DDB1: variants seen among roughly 807,000 people sequenced by gnomAD.
The protein encoded by DDB1 is damage specific DNA binding protein 1.
Under a neutral mutation model 133.1 loss-of-function variants are expected in DDB1, and 18 were observed. The ratio of observed to expected loss-of-function variants is 0.14; its 90% CI spans 0.09 to 0.20. DDB1 has a LOEUF of 0.20. Ranked by LOEUF, DDB1 falls within the 10% of genes least tolerant of loss-of-function variation. The pLI, the probability that DDB1 is intolerant of heterozygous loss-of-function variation, is 1.00. For missense variants in DDB1, 828 were observed against 1,459.2 expected, an observed-to-expected ratio of 0.57 and a Z score of 7.05; for synonymous variants, 580 against 550.5, an observed-to-expected ratio of 1.05 and a Z score of -0.75.
In DDB1 at chr11:61,314,314, T is replaced by C; in HGVS notation, c.1583A>G (p.Gln528Arg). ...GACAGAAAAACACACACACCTGATC[T>C]GCCGGAGCTCCTGAGGATGGATCTG... ...YLQIHPQELRQISHTEMEHEV... is the reference protein window; with the variant it reads ...YLQIHPQELRRISHTEMEHEV... The change falls in exon 13 of 27, where the codon CAG (glutamine) becomes CGG (arginine). Residue 528 changes from glutamine (Q) to arginine (R), a missense_variant. Gln to Arg is a conservative substitution (Grantham distance 43). Coordinates refer to ENST00000301764, the MANE Select transcript of DDB1 (RefSeq NM_001923.5). The C allele has an allele frequency of 6.2e-7, 1 of 1,610,508 alleles. No homozygotes were observed. The highest frequency in any genetic ancestry group is 1.1e-5 in the South Asian group (1 of 90,552).
chr11:61,331,716 T>A (rs1032326824), intron 1 of DDB1, 25 bp from the exon 2 acceptor site: 1 of 1,612,800 alleles, frequency 6.2e-7, no homozygotes, highest in African/African-American at 1.3e-5. Context: ...CCTCTAACTT[T>A]TGAACTCAGG....
At chr11:61,303,730 T>TAAAA in intron 22 of DDB1, 135 bp downstream of exon 22, 1 of 466,588 alleles carries the variant, frequency 2.1e-6, no homozygotes, top group Non-Finnish European at 3.6e-6. Flanking sequence ...AAAAACTTAA[T>TAAAA]CAATGTAGAA....
intron 9 of DDB1, 48 bp downstream of exon 9, chr11:61,322,248 A>G: frequency 7.0e-7 from 1 of 1,433,902 alleles, no homozygotes; most frequent in Non-Finnish European, 9.8e-7. Flanking sequence ...AGGAGGACAC[A>G]GTTTGAGTGG....
chr11:61,304,181 C>T (rs1196624010), intron 21 of DDB1, 146 bp from the exon 22 acceptor site: 2 of 706,140 alleles, frequency 2.8e-6, no homozygotes, highest in East Asian at 2.7e-5. Context: ...CTGGGGTGAA[C>T]ATTTATTATT....
intron 5 of DDB1, 41 bp downstream of exon 5, chr11:61,326,738 T>G (rs1284911026): frequency 7.1e-6 from 11 of 1,542,956 alleles, no homozygotes; most frequent in Non-Finnish European, 9.9e-6. Context: ...GGAACTAGCC[T>G]AGACCCAGGT....
intron 21 of DDB1, among the ~76,000 whole-genome samples, chr11:61,306,028 G>A (rs1361447454): frequency 6.6e-6 from 1 of 152,054 alleles, no homozygotes; most frequent in Non-Finnish European, 1.5e-5. Flanking sequence ...GCTTCTTTTT[G>A]CATTTGTTAA....
chr11:61,312,569 G>T (rs1356318872), intron 16 of DDB1, among the ~76,000 whole-genome samples: 1 of 149,480 alleles, frequency 6.7e-6, no homozygotes, highest in African/African-American at 2.5e-5. Context: ...GAGTGCAGCG[G>T]TGAAATCTAA....
chr11:61,303,903 G>A lies in DDB1; in HGVS notation c.2794C>T (p.Leu932=), dbSNP rs1299095215. The A allele has an allele frequency of 6.2e-6, 10 of 1,613,850 alleles. No homozygotes were observed. The highest frequency in any genetic ancestry group is 7.6e-6 in the Non-Finnish European group (9 of 1,180,018). Residue 932 remains leucine (L), a synonymous_variant, in exon 22 of 27, where the codon CTG becomes TTG. Transcript: ENST00000301764. ...CCTTCCATGGGCTTGTAGGCAAGCA[G>A]CAGCACTGAGCGCATAAGGTCGCCC... ...LVGDLMRSVL[L]LAYKPMEGNF... is the part of the protein sequence containing the mutation.
intron 24 of DDB1, 24 bp downstream of exon 24, chr11:61,302,558 T>C (rs539009437): frequency 6.2e-7 from 1 of 1,612,650 alleles, no homozygotes; most frequent in South Asian, 1.1e-5. Flanking sequence ...TGTGTGGGGG[T>C]GTGCCCCACA....
At chr11:61,326,009 T>C in intron 5 of DDB1, 1 of 451,708 alleles carries the variant, frequency 2.2e-6, no homozygotes, top group South Asian at 2.5e-5. Context: ...CTTCTCAACT[T>C]CTAATCCTTT....
At position 61,312,079 on chromosome 11, in the gene DDB1, G is replaced by A. The variant is rs1383104884; in HGVS notation, c.2075C>T (p.Ala692Val). Residue 692 changes from alanine (A) to valine (V), a missense_variant, in exon 17 of 27, where the codon GCG (alanine) becomes GTG (valine). Ala to Val is a moderately conservative substitution (Grantham distance 64, BLOSUM62 0). Around this residue, in one of 7 missense-constraint regions of DDB1, gnomAD observed 396 missense variants for 554.1 expected, o/e 0.71. Transcript: ENST00000301764. Reference protein sequence around the residue: ...LNSDGYPDSLALANNSTLTIG... With the variant: ...LNSDGYPDSLVLANNSTLTIG... The stretch of plus-strand genomic sequence containing the variant: ...GGTGAGGGTGCTATTGTTGGCCAGC[G>A]CCAGGCTGGAAAGAAGGGTCTGGGT... The A allele has an allele frequency of 1.9e-6, 3 of 1,614,144 alleles. No homozygotes were observed. Among genetic ancestry groups the A allele is most frequent in the Non-Finnish European group, 2.5e-6 (3 of 1,180,016 alleles).
At chr11:61,303,311 G>A (rs1193900314) in intron 22 of DDB1, 156 bp from the exon 23 acceptor site, 5 of 652,550 alleles carry the variant, frequency 7.7e-6, no homozygotes, top group Non-Finnish European at 1.0e-5. Context: ...GATTCTCCCC[G>A]ACCTCTCTGC....
At position 61,325,906 on chromosome 11, in the gene DDB1, T is replaced by C. The variant is rs28720275; in HGVS notation, c.665-198A>G. 339 of 646,668 alleles carry C rather than the reference T, an allele frequency of 5.2e-4. 2 individuals carry two copies. The African/African-American group carries it at 5.9e-3, about 11-fold the overall frequency. The allele number at this position is 646,668 out of a possible 1,614,324, so 40.1% of individuals were successfully genotyped here. Reference sequence around the variant, plus strand: ...TTAACTGGCCATTATCTAATCCTGGTAGTATTTTTACTGCCACTCTTCTGG... The same window carrying C: ...TTAACTGGCCATTATCTAATCCTGGCAGTATTTTTACTGCCACTCTTCTGG... On this transcript the variant is annotated intron_variant, in intron 5 of 26. Coordinates refer to ENST00000301764, the MANE Select transcript of DDB1 (RefSeq NM_001923.5).
Position 61,332,961 on chromosome 11 carries a change from T to C in DDB1, c.8A>G (p.Tyr3Cys). MS[Y>C]NYVVTAQKPT... ...CTTCTGGGCCGTTACCACGTAGTTG[T>C]ACGACATGTCGAGGCTTGGAGCGGC... is the stretch of plus-strand genomic sequence containing the variant. The change falls in exon 1 of 27, where the codon TAC (tyrosine) becomes TGC (cysteine). Residue 3 changes from tyrosine to cysteine, a missense_variant. Around this residue, in one of 7 missense-constraint regions of DDB1, gnomAD observed 210 missense variants for 344.8 expected, o/e 0.61. Coordinates refer to ENST00000301764, the MANE Select transcript of DDB1 (RefSeq NM_001923.5). 6.6e-7 allele frequency: 1 copy of C among 1,515,126 alleles called. No homozygotes were observed. Among genetic ancestry groups the C allele is most frequent in the African/African-American group, 1.4e-5 (1 of 70,192 alleles). 93.9% of individuals were successfully genotyped at this position (1,515,126 alleles called of 1,614,324 possible).
chr11:61,306,505 A>G (rs1365667750), intron 21 of DDB1, among the ~76,000 whole-genome samples: 1 of 152,144 alleles, frequency 6.6e-6, no homozygotes, highest in Non-Finnish European at 1.5e-5. Context: ...ACCTCCTATA[A>G]GTCTTGATGA....
chr11:61,302,117 TCAAAAA>T (rs1855806356), intron 25 of DDB1, 134 bp downstream of exon 25: 1 of 697,650 alleles, frequency 1.4e-6, no homozygotes, highest in Non-Finnish European at 2.4e-6. Flanking sequence ...CATGAAAAAG[TCAAAAA>T]CAAAACAAAA....
intron 4 of DDB1, among the ~76,000 whole-genome samples, chr11:61,327,244 C>T (rs753513743): frequency 3.3e-5 from 5 of 152,158 alleles, no homozygotes; most frequent in Non-Finnish European, 7.3e-5. Context: ...CTGAGGTGGG[C>T]AGATCACCTG....
In DDB1 at chr11:61,311,809, G is replaced by A. The variant is rs1339286931; in HGVS notation, c.2252C>T (p.Ala751Val). The A allele has an allele frequency of 6.2e-7, 1 of 1,613,552 alleles. No homozygotes were observed. Among genetic ancestry groups the A allele is most frequent in the African/African-American group, 1.3e-5 (1 of 74,874 alleles). The change falls in exon 18 of 27, where the codon GCC becomes GTC. Residue 751 changes from alanine to valine, a missense_variant. Ala to Val is a moderately conservative substitution (Grantham distance 64, BLOSUM62 0). Around this residue, in one of 7 missense-constraint regions of DDB1, gnomAD observed 396 missense variants for 554.1 expected, o/e 0.71. Coordinates refer to ENST00000301764, the MANE Select transcript of DDB1 (RefSeq NM_001923.5). ...CTGGGTGCTAGCGCTGGGCCTCAAG[G>A]CTGTCGTGCCCCCACTCGTGTCTTG... is the stretch of plus-strand genomic sequence containing the variant. The part of the protein sequence containing the change: ...EVQDTSGGTT[A>V]LRPSASTQAL...
At chr11:61,302,421 C>T (rs935531970) in intron 24 of DDB1, 62 bp from the exon 25 acceptor site, 17 of 1,590,372 alleles carry the variant, frequency 1.1e-5, no homozygotes, top group South Asian at 5.5e-5. Flanking sequence ...GTATCCTCTA[C>T]GTAAAGGGCA....
Sources: gnomAD v4.1 joint callset for allele counts (sites outside exome capture counted in the v4.1 genomes callset) on GRCh38, gnomAD v4.1.1 for gene constraint, gnomAD v4.1.1 regional missense constraint, MANE v1.5 for transcripts, NCBI Gene and HGNC (gene_info 2026-07-23, HGNC 2026-07-21) for gene names.